The following RAN variants were observed in gnomAD, a reference collection of about 807,000 sequenced individuals.
RAN encodes the protein RAN, member RAS oncogene family, also known as GTP-binding nuclear protein Ran.
A neutral mutation model predicts 26.8 loss-of-function variants in RAN; 2 were observed. The observed-to-expected ratio is 0.07, with a 90% CI of 0.03 to 0.23. The LOEUF (loss-of-function observed/expected upper bound fraction) is 0.23, where lower values mean the gene tolerates loss of function less well. Ranked by LOEUF, RAN falls within the 10% of genes least tolerant of loss-of-function variation. The pLI is 1.00. For synonymous variants in RAN, 132 were observed against 95.9 expected, an observed-to-expected ratio of 1.38 and a Z score of -2.20; for missense variants, 56 against 264.8, an observed-to-expected ratio of 0.21 and a Z score of 5.47.
intron 4 of RAN, 72 bp downstream of exon 4, chr12:130,873,200 T>C: frequency 6.3e-7 from 1 of 1,579,648 alleles, no homozygotes; most frequent in South Asian, 1.1e-5. Flanking sequence ...TTATAGAAAA[T>C]CAGGTCTGTT....
chr12:130,875,597 C>T lies in RAN; in HGVS notation c.436-15C>T, dbSNP rs758978272. Reference sequence around the variant, plus strand: ...AATGAATTTTAAAAAGTAATTTTACCTTTCTTTTAAACAGTACTACGACAT... The same window carrying T: ...AATGAATTTTAAAAAGTAATTTTACTTTTCTTTTAAACAGTACTACGACAT... On this transcript the variant is annotated splice_polypyrimidine_tract_variant and intron_variant, in intron 5 of 6. Transcript: ENST00000543796. The T allele has an allele frequency of 1.3e-5, 20 of 1,538,268 alleles. No homozygotes were observed. The highest frequency in any genetic ancestry group is 1.2e-4 in the South Asian group (10 of 81,250).
rs1164626366 is a variant in RAN, at chr12:130,875,696, T to C, written c.520T>C (p.Leu174=). 37 of 1,613,892 alleles carry C rather than the reference T, an allele frequency of 2.3e-5. No individual in the cohort carries two copies. Among genetic ancestry groups the C allele is most frequent in the Non-Finnish European group, 3.1e-5 (36 of 1,179,940 alleles). The stretch of plus-strand genomic sequence containing the variant: ...TAGGAAGCTCATTGGAGACCCTAAC[T>C]TGGAATTTGTTGCCATGCCTGCTCT... ...LARKLIGDPN[L]EFVAMPALAP... is the part of the protein sequence containing the mutation. The change falls in exon 6 of 7, where the codon TTG becomes CTG. Residue 174 remains leucine, a synonymous_variant. Transcript: ENST00000543796.
Position 130,873,267 on chromosome 12 carries a change from A to AC in RAN, c.247+141dup, listed in dbSNP as rs1953173369. On this transcript the variant is annotated intron_variant, in intron 4 of 6. Transcript: ENST00000543796. ...AAGACAAGTGGACTTCGGGGAGTTG[A>AC]CCACCATTTTGGTGGCAGAGAAAAT... The AC allele has an allele frequency of 1.1e-5, 13 of 1,188,292 alleles. No homozygotes were observed. In the South Asian group the frequency reaches 1.9e-4, roughly 18 times the overall value. 73.6% of individuals were successfully genotyped at this position (1,188,292 alleles called of 1,614,324 possible).
At position 130,873,043 on chromosome 12, in the gene RAN, C is replaced by G; in HGVS notation, c.162C>G (p.Thr54=). Residue 54 remains threonine (T), a synonymous_variant, in exon 4 of 7, where the codon ACC becomes ACG. Transcript: ENST00000543796. ...AGGTTCATCCCCTAGTGTTCCACAC[C>G]AACAGAGGACCTATTAAGTTCAATG... ...GVEVHPLVFH[T]NRGPIKFNVW... 6.2e-7 allele frequency: 1 copy of G among 1,614,166 alleles called. No individual in the cohort carries two copies. Among genetic ancestry groups the G allele is most frequent in the Non-Finnish European group, 8.5e-7 (1 of 1,180,042 alleles).
intron 1 of RAN, 60 bp downstream of exon 1, chr12:130,872,186 T>G (rs116897340): frequency 6.1e-6 from 1 of 163,216 alleles, no homozygotes; most frequent in Admixed American, 6.6e-5. Context: ...GGCGGCGGGA[T>G]AGGGGTCGGA....
rs1593221673 is a variant in RAN, at chr12:130,876,135, GT to G, written c.*213del. On this transcript the variant is annotated 3_prime_UTR_variant, in exon 7 of 7. Transcript: ENST00000543796. The stretch of plus-strand genomic sequence containing the variant: ...ATTGTTTGGACCTGCATATTTAGCT[GT>G]TTTGGAACGCAGTTGATTCCTTGAG... The G allele has an allele frequency of 1.7e-6, 1 of 589,792 alleles. No individual in the cohort carries two copies. The highest frequency in any genetic ancestry group is 2.1e-5 in the South Asian group (1 of 47,302). 36.5% of individuals were successfully genotyped at this position (589,792 alleles called of 1,614,324 possible).
rs145363958 is a variant in RAN at position 130,876,078 on chromosome 12, G to A, written c.*152G>A. On this transcript the variant is annotated 3_prime_UTR_variant, in exon 7 of 7. Coordinates refer to ENST00000543796, the MANE Select transcript of RAN (RefSeq NM_006325.5). ...ATGCTGAAGGAGATGAGTGGGCTTC[G>A]GAGTGAATGTGGCAGTTTAAAAAAT... The A allele has an allele frequency of 3.8e-4, 292 of 772,208 alleles. 1 individual carries two copies. In the African/African-American group the frequency reaches 4.3e-3, roughly 11 times the overall value. 47.8% of individuals were successfully genotyped at this position (772,208 alleles called of 1,614,324 possible). A position where few individuals can be genotyped will look rare whatever the true frequency, so the allele number is the denominator to read the frequency against.
At chr12:130,873,212 C>T (rs1394581265) in intron 4 of RAN, 84 bp downstream of exon 4, 1 of 1,541,444 alleles carries the variant, frequency 6.5e-7, no homozygotes, top group East Asian at 2.3e-5. Flanking sequence ...AGGTCTGTTC[C>T]AACAAATAGT....
In RAN at chr12:130,876,928, T is replaced by TC. The variant is rs1953256309; in HGVS notation, c.*1002_*1003insC. On this transcript the variant is annotated 3_prime_UTR_variant, in exon 7 of 7. Coordinates refer to ENST00000543796, the MANE Select transcript of RAN (RefSeq NM_006325.5). ...CACTACACCGTTTTTTTGTTTTTTT[T>TC]TCCCCCCCGGGAGGGTTTTTTTGTA... 6.6e-6 allele frequency: 1 copy of TC among 152,284 alleles called. No individual in the cohort carries two copies. The highest frequency in any genetic ancestry group is 2.4e-5 in the African/African-American group (1 of 41,544). The allele number at this position is 152,284 out of a possible 1,614,324, so 9.4% of individuals were successfully genotyped here.
chr12:130,874,522 T>C (rs992191937), intron 4 of RAN, 24 bp from the exon 5 acceptor site: 1 of 1,525,002 alleles, frequency 6.6e-7, no homozygotes, highest in Non-Finnish European at 9.0e-7. Context: ...CTGAGTGTAC[T>C]AATTCCCACA....
In RAN at chr12:130,875,917, T is replaced by A. The variant is rs1378666861; in HGVS notation, c.642T>A (p.Asp214Glu). The A allele has an allele frequency of 6.2e-7, 1 of 1,614,170 alleles. No homozygotes were observed. The highest frequency in any genetic ancestry group is 8.5e-7 in the Non-Finnish European group (1 of 1,180,018). ...CAACTGCTCTCCCGGATGAGGATGA[T>A]GACCTGTGAGAATGAAGCTGGAGCC... is the stretch of plus-strand genomic sequence containing the variant. ...AQTTALPDED[D>E]DL is the part of the protein sequence containing the mutation. The change falls in exon 7 of 7, where the codon GAT becomes GAA. Residue 214 changes from aspartate (D) to glutamate (E), a missense_variant. Physicochemically the swap from Asp to Glu is conservative, Grantham distance 45 (BLOSUM62 2). This residue lies in a region of RAN where 39 missense variants were observed against 248.7 expected (regional missense o/e 0.16). Transcript: ENST00000543796.
chr12:130,875,121 C>T (rs192674464), intron 5 of RAN, among the ~76,000 whole-genome samples: 57 of 150,168 alleles, frequency 3.8e-4, no homozygotes, highest in African/African-American at 1.2e-3. Flanking sequence ...CCACTGTGCC[C>T]GGCCGGAAAT....
chr12:130,874,837 C>T (rs1953208489), intron 5 of RAN, 104 bp downstream of exon 5: 13 of 1,022,688 alleles, frequency 1.3e-5, no homozygotes, highest in Non-Finnish European at 1.5e-5. Flanking sequence ...ATTTTTTTTT[C>T]CCCAAGACGG....
rs936797643 is a variant in RAN, at chr12:130,874,891, T to A, written c.435+158T>A. The stretch of plus-strand genomic sequence containing the variant: ...ATGCTGGAGTGCAGTGTCGCAATCT[T>A]GGCTCACTGCGACCTCCGCCTCCCG... On this transcript the variant is annotated intron_variant, in intron 5 of 6. Transcript: ENST00000543796. Among the ~76,000 whole-genome samples the A allele has an allele frequency of 4.6e-5, 7 of 152,184 alleles. No individual in the cohort carries two copies. The South Asian group carries it at 6.2e-4, about 13-fold the overall frequency.
At position 130,872,567 on chromosome 12, in the gene RAN, G is replaced by A; in HGVS notation, c.-10-17G>A. 1 of 1,494,952 alleles carries A rather than the reference G, an allele frequency of 6.7e-7. No homozygotes were observed. Among genetic ancestry groups the A allele is most frequent in the Non-Finnish European group, 8.9e-7 (1 of 1,128,050 alleles). The allele number at this position is 1,494,952 out of a possible 1,614,324, so 92.6% of individuals were successfully genotyped here. ...CGGGGCCGCGCGAGCGCTCGCCTCCGTCCTCTGCCTCCGCAGGAACGCCGC... is the reference window on the plus strand; with the variant it reads ...CGGGGCCGCGCGAGCGCTCGCCTCCATCCTCTGCCTCCGCAGGAACGCCGC... On this transcript the variant is annotated splice_polypyrimidine_tract_variant and intron_variant, in intron 1 of 6. Transcript: ENST00000543796.
rs747236859 is a variant in RAN, at chr12:130,873,043, C to T, written c.162C>T (p.Thr54=). 5 of 1,614,048 alleles carry T rather than the reference C, an allele frequency of 3.1e-6. No homozygotes were observed. The South Asian group carries it at 4.4e-5, about 14-fold the overall frequency. Residue 54 remains threonine, a synonymous_variant, in exon 4 of 7, where the codon ACC becomes ACT. Coordinates refer to ENST00000543796, the MANE Select transcript of RAN (RefSeq NM_006325.5). ...GVEVHPLVFH[T]NRGPIKFNVW... is the part of the protein sequence containing the mutation. Reference sequence around the variant, plus strand: ...AGGTTCATCCCCTAGTGTTCCACACCAACAGAGGACCTATTAAGTTCAATG... The same window carrying T: ...AGGTTCATCCCCTAGTGTTCCACACTAACAGAGGACCTATTAAGTTCAATG...
chr12:130,873,010 G>A lies in RAN; in HGVS notation c.129G>A (p.Leu43=). The change falls in exon 4 of 7, where the codon TTG becomes TTA. Residue 43 remains leucine, a synonymous_variant. Coordinates refer to ENST00000543796, the MANE Select transcript of RAN (RefSeq NM_006325.5). ...GCATCGTTTCCGTTTCAGCCACCTT[G>A]GGTGTTGAGGTTCATCCCCTAGTGT... ...GEFEKKYVAT[L]GVEVHPLVFH... 1 of 1,614,194 alleles carries A rather than the reference G, an allele frequency of 6.2e-7. No homozygotes were observed. Among genetic ancestry groups the A allele is most frequent in the Non-Finnish European group, 8.5e-7 (1 of 1,180,034 alleles).
intron 4 of RAN, chr12:130,873,587 C>T (rs77066407): frequency 0.013 from 2,174 of 165,018 alleles, 55 homozygotes; most frequent in African/African-American, 0.049. Flanking sequence ...CTAAGTTGTG[C>T]AGAGTATTTT....
At chr12:130,874,921 C>A (rs1330705609) in intron 5 of RAN, among the ~76,000 whole-genome samples, 188 bp downstream of exon 5, 2 of 152,130 alleles carry the variant, frequency 1.3e-5, no homozygotes, top group Admixed American at 1.3e-4. Flanking sequence ...CTCCCGGGTT[C>A]AAGCAGTTTT....
Sources: gnomAD v4.1 joint callset for allele counts (sites outside exome capture counted in the v4.1 genomes callset) on GRCh38, gnomAD v4.1.1 for gene constraint, gnomAD v4.1.1 regional missense constraint, MANE v1.5 for transcripts, NCBI Gene and HGNC (gene_info 2026-07-23, HGNC 2026-07-21) for gene names.